The following CDH12 variants were observed in gnomAD, a reference collection of about 807,000 sequenced individuals.
The protein encoded by CDH12 is cadherin 12.
Under a neutral mutation model 74.1 loss-of-function variants are expected in CDH12, and 41 were observed. That is an observed-to-expected ratio of 0.55 (90% CI 0.43 to 0.72). The LOEUF (loss-of-function observed/expected upper bound fraction) is 0.72. CDH12 is among the 30% of genes least tolerant of loss of function. The probability of loss-of-function intolerance (pLI) is 0.00; values close to 1 mark genes in which losing one functional copy is unlikely to be tolerated. For synonymous variants in CDH12, 399 were observed against 355.0 expected (o/e 1.12, Z -1.39); for missense variants, 945 against 977.2 (o/e 0.97, Z 0.44).
intron 1 of CDH12, among the ~76,000 whole-genome samples, chr5:22,723,892 A>G (rs1289539784): frequency 1.3e-5 from 2 of 152,026 alleles, no homozygotes; most frequent in Non-Finnish European, 2.9e-5. Flanking sequence ...CTCAGCTCAT[A>G]GGGTTATAAT....
intron 10 of CDH12, among the ~76,000 whole-genome samples, chr5:21,790,720 T>C (rs774530877): frequency 4.6e-5 from 7 of 152,034 alleles, no homozygotes; most frequent in Non-Finnish European, 8.8e-5. Flanking sequence ...TGTGAGTGTA[T>C]GTGTATGTCC....
At chr5:21,774,744 G>A (rs1745496680) in intron 11 of CDH12, among the ~76,000 whole-genome samples, 2 of 152,070 alleles carry the variant, frequency 1.3e-5, no homozygotes, top group South Asian at 2.1e-4. Flanking sequence ...AGGCATTTAC[G>A]AAAAATAAGA....
intron 1 of CDH12, among the ~76,000 whole-genome samples, chr5:22,510,806 G>A (rs1394075767): frequency 6.6e-6 from 1 of 151,894 alleles, no homozygotes; most frequent in African/African-American, 2.4e-5. Context: ...CATAAGGCTG[G>A]TTACAGGTTT....
intron 3 of CDH12, among the ~76,000 whole-genome samples, chr5:22,383,125 C>A (rs1741843624): frequency 6.6e-6 from 1 of 152,180 alleles, no homozygotes; most frequent in Admixed American, 6.5e-5. Context: ...GCCACTGCGC[C>A]CAGTCTCGTA....
intron 1 of CDH12, among the ~76,000 whole-genome samples, chr5:22,514,032 G>A (rs1736713607): frequency 6.7e-6 from 1 of 149,366 alleles, no homozygotes; most frequent in Non-Finnish European, 1.5e-5. Context: ...AGTAATATAA[G>A]TATAATACAA....
At chr5:22,688,349 T>C (rs763777207) in intron 1 of CDH12, among the ~76,000 whole-genome samples, 1 of 152,208 alleles carries the variant, frequency 6.6e-6, no homozygotes, top group Non-Finnish European at 1.5e-5. Context: ...TAATAAGTCA[T>C]GTGGGTATAA....
chr5:22,469,683 C>T (rs902351096), intron 2 of CDH12, among the ~76,000 whole-genome samples: 3 of 152,048 alleles, frequency 2.0e-5, no homozygotes, highest in African/African-American at 7.2e-5. Flanking sequence ...AGTCATTTTC[C>T]AGTGTTATCT....
At chr5:22,500,671 G>A (rs888950244) in intron 2 of CDH12, among the ~76,000 whole-genome samples, 3 of 152,094 alleles carry the variant, frequency 2.0e-5, no homozygotes, top group African/African-American at 7.2e-5. Context: ...GCTGCACAAA[G>A]ATTCCATGCT....
At chr5:22,394,031 A>T (rs1256060386) in intron 3 of CDH12, among the ~76,000 whole-genome samples, 1 of 152,150 alleles carries the variant, frequency 6.6e-6, no homozygotes, top group Non-Finnish European at 1.5e-5. Flanking sequence ...ATTAAGCAAA[A>T]AGCAACCAGC....
rs1561586033 is a variant in CDH12, at chr5:22,698,725, A to AG, written c.-523+154332_-523+154333insC. On this transcript the variant is annotated intron_variant, in intron 1 of 14. Transcript: ENST00000382254. ...TATATATATATATATATATATATAT[A>AG]TATATATATAGTGTGTGTGTGTGTG... 8.1e-3 allele frequency among the ~76,000 whole-genome samples: 89 copies of AG among 10,978 alleles called. 3 individuals carry two copies. The highest frequency in any genetic ancestry group is 0.02 in the East Asian group (4 of 204). The allele number at this position is 10,978 out of a possible 152,430, so 7.2% of individuals were successfully genotyped here.
intron 3 of CDH12, among the ~76,000 whole-genome samples, chr5:22,219,514 T>C (rs2150367921): frequency 6.6e-6 from 1 of 151,852 alleles, no homozygotes; most frequent in East Asian, 1.9e-4. Context: ...AATAGGTGAC[T>C]GCTATCTGCC....
In CDH12 at chr5:22,161,752, A is replaced by G. The variant is rs1487410278; in HGVS notation, c.-187+50746T>C. Reference sequence around the variant, plus strand: ...GGAAGAAGAGAGAGAGGGAGGGGGGAAAAGAAAAAAATCCAAACACCTCAA... The same window carrying G: ...GGAAGAAGAGAGAGAGGGAGGGGGGGAAAGAAAAAAATCCAAACACCTCAA... On this transcript the variant is annotated intron_variant, in intron 4 of 14. Transcript: ENST00000382254. Among the ~76,000 whole-genome samples, 6 of 140,966 alleles carry G rather than the reference A, an allele frequency of 4.3e-5. No individual in the cohort carries two copies. The South Asian group carries it at 6.9e-4, about 16-fold the overall frequency. 92.5% of individuals were successfully genotyped at this position (140,966 alleles called of 152,430 possible). A position where few individuals can be genotyped will look rare whatever the true frequency, so the allele number is the denominator to read the frequency against.
At chr5:21,949,874 T>A (rs1449094192) in intron 6 of CDH12, among the ~76,000 whole-genome samples, 1 of 152,204 alleles carries the variant, frequency 6.6e-6, no homozygotes, top group African/African-American at 2.4e-5. Context: ...ATAAGTTTAA[T>A]GTATTTTGAA....
intron 5 of CDH12, among the ~76,000 whole-genome samples, chr5:22,055,933 A>C (rs1740707352): frequency 6.6e-6 from 1 of 152,160 alleles, no homozygotes; most frequent in African/African-American, 2.4e-5. Flanking sequence ...TATTGATAAA[A>C]ATACATAGTC....
chr5:22,190,354 GTCTGTCTA>G (rs767748221), intron 4 of CDH12, among the ~76,000 whole-genome samples: 5,947 of 149,058 alleles, frequency 0.04, 99 homozygotes, highest in Admixed American at 0.059. Context: ...CCATCTGTCT[GTCTGTCTA>G]TCTATCTATC....
At chr5:22,185,221 G>T (rs1749870203) in intron 4 of CDH12, among the ~76,000 whole-genome samples, 1 of 132,836 alleles carries the variant, frequency 7.5e-6, no homozygotes, top group Non-Finnish European at 1.6e-5. Flanking sequence ...TTTTTGAGAA[G>T]GAGTTTCACT....
chr5:22,677,054 C>CA (rs1303455984), intron 1 of CDH12, among the ~76,000 whole-genome samples: 3 of 151,956 alleles, frequency 2.0e-5, no homozygotes, highest in South Asian at 2.1e-4. Flanking sequence ...GAAATTCTGA[C>CA]AAAAAAAGTG....
At chr5:21,839,571 C>T (rs1428999318) in intron 8 of CDH12, among the ~76,000 whole-genome samples, 1 of 151,556 alleles carries the variant, frequency 6.6e-6, no homozygotes, top group Non-Finnish European at 1.5e-5. Flanking sequence ...ACATTTCCAT[C>T]AGTAAAATAT....
chr5:22,403,042 TTTAA>T (rs1387616769), intron 3 of CDH12, among the ~76,000 whole-genome samples: 1 of 152,166 alleles, frequency 6.6e-6, no homozygotes, highest in Non-Finnish European at 1.5e-5. Flanking sequence ...TGTGCCAACC[TTTAA>T]ATAAAGAAGA....
Sources: gnomAD v4.1 joint callset for allele counts (sites outside exome capture counted in the v4.1 genomes callset) on GRCh38, gnomAD v4.1.1 for gene constraint, MANE v1.5 for transcripts, NCBI Gene and HGNC (gene_info 2026-07-23, HGNC 2026-07-21) for gene names.